Variants in BTNL9 observed in about 807,000 individuals in gnomAD.
BTNL9 encodes butyrophilin-like protein 9.
A neutral mutation model predicts 45.8 loss-of-function variants in BTNL9; 45 were observed. That is an observed-to-expected ratio of 0.98 (90% CI 0.77 to 1.26). The LOEUF is 1.26. Ranked by LOEUF, BTNL9 falls within the 50% of genes most tolerant of loss-of-function variation. The probability of loss-of-function intolerance (pLI) is 0.00; values close to 1 mark genes in which losing one functional copy is unlikely to be tolerated. For synonymous variants in BTNL9, 346 were observed against 330.8 expected, an observed-to-expected ratio of 1.05 and a Z score of -0.50; for missense variants, 784 against 729.7, an observed-to-expected ratio of 1.07 and a Z score of -0.86.
At chr5:181,044,360 G>A (rs1017369066) in intron 1 of BTNL9, among the ~76,000 whole-genome samples, 1 of 152,180 alleles carries the variant, frequency 6.6e-6, no homozygotes, top group Non-Finnish European at 1.5e-5. Context: ...AGCCGTGGGG[G>A]CCGACGGGGA....
At chr5:181,044,660 A>C (rs1394993121) in intron 1 of BTNL9, among the ~76,000 whole-genome samples, 1 of 151,978 alleles carries the variant, frequency 6.6e-6, no homozygotes, top group Non-Finnish European at 1.5e-5. Flanking sequence ...GTGTATCTCC[A>C]GAGACTCATT....
intron 1 of BTNL9, among the ~76,000 whole-genome samples, chr5:181,044,652 G>T (rs1760990356): frequency 6.6e-6 from 1 of 152,012 alleles, no homozygotes; most frequent in Non-Finnish European, 1.5e-5. Flanking sequence ...AGAGTTTTGT[G>T]TATCTCCAGA....
Position 181,059,561 on chromosome 5 carries a change from A to G in BTNL9, c.1307A>G (p.His436Arg), listed in dbSNP as rs1762063422. 1.9e-6 allele frequency: 3 copies of G among 1,611,234 alleles called. No individual in the cohort carries two copies. The highest frequency in any genetic ancestry group is 1.1e-5 in the South Asian group (1 of 90,992). ...TGCGAGTACTTCGTCCTGGCCCCGC[A>G]CCGCGTCGCGCTCACCCTGCGCGTG... ...NGCEYFVLAP[H>R]RVALTLRVPP... Residue 436 changes from histidine to arginine, a missense_variant, in exon 11 of 11, where the codon CAC (histidine) becomes CGC (arginine). Coordinates refer to ENST00000327705, the MANE Select transcript of BTNL9 (RefSeq NM_152547.5).
rs1760837880 is a variant in BTNL9 at position 181,042,691 on chromosome 5, C to T, written c.-24+2259C>T. ...CTCCTGGCTCAGAAGATGCTCTTGA[C>T]AAAGTCTTAGGGAGACCTCAGCTTT... On this transcript the variant is annotated intron_variant, in intron 1 of 10. Coordinates refer to ENST00000327705, the MANE Select transcript of BTNL9 (RefSeq NM_152547.5). The surrounding 1 kb of genome is among the most constrained non-coding windows in gnomAD (Gnocchi z 4.5). Among the ~76,000 whole-genome samples the T allele has an allele frequency of 6.6e-6, 1 of 152,184 alleles. No homozygotes were observed. Among genetic ancestry groups the T allele is most frequent in the South Asian group, 2.1e-4 (1 of 4,830 alleles).
chr5:181,044,089 A>G (rs757055036), intron 1 of BTNL9, among the ~76,000 whole-genome samples: 4 of 152,192 alleles, frequency 2.6e-5, no homozygotes, highest in Non-Finnish European at 5.9e-5. Context: ...CCATCAGCCC[A>G]TGCGCCTCAC....
At chr5:181,048,410 A>G in intron 3 of BTNL9, 139 bp downstream of exon 3, 1 of 796,106 alleles carries the variant, frequency 1.3e-6, no homozygotes, top group Non-Finnish European at 1.9e-6. Context: ...CCATTCTCAA[A>G]TGAACAAACA....
intron 4 of BTNL9, among the ~76,000 whole-genome samples, chr5:181,052,487 T>C (rs1289719541): frequency 6.6e-6 from 1 of 152,252 alleles, no homozygotes; most frequent in Non-Finnish European, 1.5e-5. Context: ...TTGTTACGTA[T>C]ATTTTACTAC....
At chr5:181,057,757 C>T (rs1311018119) in intron 9 of BTNL9, among the ~76,000 whole-genome samples, 3 of 152,204 alleles carry the variant, frequency 2.0e-5, no homozygotes, top group Non-Finnish European at 4.4e-5. Flanking sequence ...GTGTTTAAAG[C>T]TTCACCAGTT....
intron 2 of BTNL9, among the ~76,000 whole-genome samples, chr5:181,047,086 G>A (rs1005642182): frequency 1.3e-5 from 2 of 152,170 alleles, no homozygotes; most frequent in African/African-American, 4.8e-5. Flanking sequence ...GCTTTGGGAT[G>A]GAGTTTTAGC....
At position 181,059,719 on chromosome 5, in the gene BTNL9, A is replaced by T. The variant is rs774531259; in HGVS notation, c.1465A>T (p.Arg489Trp). 6 of 1,613,190 alleles carry T rather than the reference A, an allele frequency of 3.7e-6. No homozygotes were observed. Among genetic ancestry groups the T allele is most frequent in the Non-Finnish European group, 5.1e-6 (6 of 1,179,866 alleles). The change falls in exon 11 of 11, where the codon AGG becomes TGG. Residue 489 changes from arginine (R) to tryptophan (W), a missense_variant. Arg to Trp is a moderately radical substitution (Grantham distance 101). Transcript: ENST00000327705. Reference sequence around the variant, plus strand: ...CGCGCTCTGTGCGTACTTCAGGCCCAGGGCCCACGACGGCGGCGAACATCC... The same window carrying T: ...CGCGCTCTGTGCGTACTTCAGGCCCTGGGCCCACGACGGCGGCGAACATCC... ...SGALCAYFRP[R>W]AHDGGEHPDP...
intron 10 of BTNL9, 117 bp downstream of exon 10, chr5:181,058,495 G>A (rs1761993588): frequency 2.2e-6 from 3 of 1,349,520 alleles, no homozygotes; most frequent in Admixed American, 1.7e-5. Context: ...TATGGGGCCT[G>A]CACACACAAG....
chr5:181,059,095 T>C, intron 10 of BTNL9, 142 bp from the exon 11 acceptor site: 1 of 1,322,896 alleles, frequency 7.6e-7, no homozygotes, highest in Non-Finnish European at 9.8e-7. Context: ...GGGGAGGGGG[T>C]TTGCAGGGGT....
intron 2 of BTNL9, chr5:181,047,355 T>C (rs994223392): frequency 1.5e-5 from 4 of 262,200 alleles, no homozygotes; most frequent in African/African-American, 6.9e-5. Flanking sequence ...AGAAAACCTG[T>C]GGAGCAGGAA....
chr5:181,059,977 G>C lies in BTNL9; in HGVS notation c.*115G>C. ...GTGCACCAGCCAAAATGTCAGCGAGGGGGACAAAGAGAGGGACCTTTGCCT... is the reference window on the plus strand; with the variant it reads ...GTGCACCAGCCAAAATGTCAGCGAGCGGGACAAAGAGAGGGACCTTTGCCT... On this transcript the variant is annotated 3_prime_UTR_variant, in exon 11 of 11. Transcript: ENST00000327705. 1 of 973,322 alleles carries C rather than the reference G, an allele frequency of 1.0e-6. No individual in the cohort carries two copies. The highest frequency in any genetic ancestry group is 2.9e-5 in the Admixed American group (1 of 34,512). The allele number at this position is 973,322 out of a possible 1,614,324, so 60.3% of individuals were successfully genotyped here. A position where few individuals can be genotyped will look rare whatever the true frequency, so the allele number is the denominator to read the frequency against.
chr5:181,048,815 T>C (rs1761360327), intron 3 of BTNL9, among the ~76,000 whole-genome samples: 1 of 37,768 alleles, frequency 2.6e-5, no homozygotes, highest in Non-Finnish European at 5.9e-5. Context: ...ATAATTATAT[T>C]AGTTATATAA....
At chr5:181,054,626 G>A in intron 7 of BTNL9, 1 of 985,388 alleles carries the variant, frequency 1.0e-6, no homozygotes, top group Non-Finnish European at 1.2e-6. Flanking sequence ...TAATTTCTCA[G>A]ATCCACTTTT....
rs1762046874 is a variant in BTNL9, at chr5:181,059,374, C to G, written c.1120C>G (p.Leu374Val). Residue 374 changes from leucine to valine, a missense_variant, in exon 11 of 11, where the codon CTG becomes GTG. Transcript: ENST00000327705. ...PQRFSEQTCALSLERFSAGRH... is the reference protein window; with the variant it reads ...PQRFSEQTCAVSLERFSAGRH... ...GCGGTTCTCGGAGCAGACGTGCGCG[C>G]TGAGCCTGGAGCGGTTCTCCGCCGG... 1.3e-6 allele frequency: 2 copies of G among 1,537,420 alleles called. No individual in the cohort carries two copies. The highest frequency in any genetic ancestry group is 1.7e-6 in the Non-Finnish European group (2 of 1,144,194).
rs751482468 is a variant in BTNL9 at position 181,050,649 on chromosome 5, G to C, written c.736+280G>C. Among the ~76,000 whole-genome samples the C allele has an allele frequency of 6.6e-6, 1 of 152,184 alleles. No individual in the cohort carries two copies. Among genetic ancestry groups the C allele is most frequent in the Non-Finnish European group, 1.5e-5 (1 of 68,028 alleles). Reference sequence around the variant, plus strand: ...ACTCTGCTCATCAGAGGCATCATGGGAGCCAATAGATTCGTAATGCTGTCT... The same window carrying C: ...ACTCTGCTCATCAGAGGCATCATGGCAGCCAATAGATTCGTAATGCTGTCT... On this transcript the variant is annotated intron_variant, in intron 4 of 10. Transcript: ENST00000327705. This position sits in a 1 kb window ranked among gnomAD's most constrained non-coding sequence, Gnocchi z 4.9.
chr5:181,059,124 T>G, intron 10 of BTNL9, 113 bp from the exon 11 acceptor site: 2 of 1,391,982 alleles, frequency 1.4e-6, no homozygotes, highest in Non-Finnish European at 9.3e-7. Flanking sequence ...GGGTAAGGGG[T>G]TCATTTCCTC....
Sources: gnomAD v4.1 joint callset for allele counts (sites outside exome capture counted in the v4.1 genomes callset) on GRCh38, gnomAD v4.1.1 for gene constraint, Gnocchi (gnomAD v3.1) non-coding constraint, MANE v1.5 for transcripts, NCBI Gene and HGNC (gene_info 2026-07-23, HGNC 2026-07-21) for gene names.